The following TP53I13 variants were observed in gnomAD, a reference collection of about 807,000 sequenced individuals.
TP53I13 encodes tumor protein p53 inducible protein 13.
A neutral mutation model predicts 39.1 loss-of-function variants in TP53I13; 27 were observed. That is an observed-to-expected ratio of 0.69 (90% CI 0.51 to 0.95). TP53I13 has a LOEUF of 0.95. Ranked by LOEUF, TP53I13 falls within the 40% of genes least tolerant of loss-of-function variation. TP53I13 has a pLI of 0.00. For synonymous variants in TP53I13, 230 were observed against 224.6 expected, an observed-to-expected ratio of 1.02 and a Z score of -0.22; for missense variants, 544 against 520.4, an observed-to-expected ratio of 1.05 and a Z score of -0.44.
downstream of TP53I13, chr17:29,576,000 C>G (rs1270467999): frequency 6.4e-7 from 1 of 1,563,982 alleles, no homozygotes; most frequent in African/African-American, 1.4e-5. This position sits in a 1 kb window ranked among gnomAD's most constrained non-coding sequence, Gnocchi z 5.5. Context: ...TCTTAAGCCC[C>G]GAATTCAGCA....
chr17:29,579,102 C>T, the TP53I13 span: 5 of 893,826 alleles, frequency 5.6e-6, no homozygotes, highest in Non-Finnish European at 5.6e-6. Flanking sequence ...CACGCACACC[C>T]GGCCCAGAAG....
rs1353943872 is a variant in TP53I13, at chr17:29,569,368, A to C, written c.183+9A>C. ...GAGTGAGCCCAGGGCAGGTGAGTACAAGCAGGGGCCCACCACCCTTGGTGT... is the reference window on the plus strand; with the variant it reads ...GAGTGAGCCCAGGGCAGGTGAGTACCAGCAGGGGCCCACCACCCTTGGTGT... On this transcript the variant is annotated intron_variant, in intron 3 of 6. Transcript: ENST00000301057. 2 of 1,613,384 alleles carry C rather than the reference A, an allele frequency of 1.2e-6. No homozygotes were observed. Among genetic ancestry groups the C allele is most frequent in the Admixed American group, 1.7e-5 (1 of 59,930 alleles).
Position 29,571,885 on chromosome 17 carries a change from C to T in TP53I13, c.341C>T (p.Ala114Val), listed in dbSNP as rs201143496. 90 of 1,613,148 alleles carry T rather than the reference C, an allele frequency of 5.6e-5. No homozygotes were observed. The African/African-American group carries it at 1.0e-3, about 19-fold the overall frequency. Residue 114 changes from alanine to valine, a missense_variant, in exon 5 of 7, where the codon GCG becomes GTG. Coordinates refer to ENST00000301057, the MANE Select transcript of TP53I13 (RefSeq NM_138349.4). Reference protein sequence around the residue: ...RPLVLTAWGLALEMAWVEPAW... With the variant: ...RPLVLTAWGLVLEMAWVEPAW... ...CTGGTGCTGACTGCATGGGGGCTGG[C>T]GCTGGAGATGGCCTGGGTAGAGCCA...
upstream of TP53I13, chr17:29,567,121 C>T (rs1441333000): frequency 2.1e-6 from 1 of 472,024 alleles, no homozygotes; most frequent in Non-Finnish European, 2.9e-6. The surrounding 1 kb of genome is among the most constrained non-coding windows in gnomAD (Gnocchi z 6.6). Context: ...CAGAGGCAGC[C>T]AGTTCGGGCC....
chr17:29,574,753 G>A (rs1372466774), downstream of TP53I13: 1 of 1,613,538 alleles, frequency 6.2e-7, no homozygotes, highest in East Asian at 2.2e-5. Context: ...TGGCAGCCTT[G>A]GCGATGTCAT....
upstream of TP53I13, chr17:29,566,871 G>A (rs779551492): frequency 6.0e-6 from 9 of 1,504,024 alleles, no homozygotes; most frequent in South Asian, 5.0e-5. Context: ...TCTCTCCGAC[G>A]GCGCGCCCCC....
chr17:29,576,900 A>T (rs2033227762), downstream of TP53I13: 1 of 1,578,160 alleles, frequency 6.3e-7, no homozygotes, highest in Non-Finnish European at 8.6e-7. Context: ...GGTGCTGCGC[A>T]GGGGCTCCTG....
In TP53I13 at chr17:29,571,672, A is replaced by G; in HGVS notation, c.265A>G (p.Met89Val). The G allele has an allele frequency of 6.2e-7, 1 of 1,614,052 alleles. No homozygotes were observed. Among genetic ancestry groups the G allele is most frequent in the Non-Finnish European group, 8.5e-7 (1 of 1,180,000 alleles). ...GCTTGCCCTCCTGGCCTATGCTTGT[A>G]TGGCTAACCCTTCCCTCACCCCTGA... ...LQLALLAYAC[M>V]ANPSLTPDFS... is the part of the protein sequence containing the mutation. Residue 89 changes from methionine (M) to valine (V), a missense_variant, in exon 4 of 7, where the codon ATG (methionine) becomes GTG (valine). Met to Val is a conservative substitution (Grantham distance 21, BLOSUM62 1). Coordinates refer to ENST00000301057, the MANE Select transcript of TP53I13 (RefSeq NM_138349.4).
At chr17:29,575,540 G>T, downstream of TP53I13, 3 of 1,555,368 alleles carry the variant, frequency 1.9e-6, no homozygotes, top group Non-Finnish European at 1.8e-6. This position sits in a 1 kb window ranked among gnomAD's most constrained non-coding sequence, Gnocchi z 5.5. Context: ...CCTCGGAGCC[G>T]CCCGCCTTGG....
intron 3 of TP53I13, chr17:29,571,273 T>G: frequency 3.0e-6 from 1 of 332,546 alleles, no homozygotes; most frequent in Non-Finnish European, 5.6e-6. Context: ...ATGGCTTGGA[T>G]TGTGGACCTG....
chr17:29,569,190 C>G lies in TP53I13; in HGVS notation c.141+104C>G, dbSNP rs537298372. 88 of 1,471,822 alleles carry G rather than the reference C, an allele frequency of 6.0e-5. 1 individual carries two copies. In the South Asian group the frequency reaches 9.6e-4, roughly 16 times the overall value. The allele number at this position is 1,471,822 out of a possible 1,614,324, so 91.2% of individuals were successfully genotyped here. On this transcript the variant is annotated intron_variant, in intron 2 of 6. Coordinates refer to ENST00000301057, the MANE Select transcript of TP53I13 (RefSeq NM_138349.4). ...ACAGTCACCATCTGAGGACCTCTGC[C>G]GGTTCCTCAGTCCTCAGTAGCCAAC...
At chr17:29,581,550 C>G in the TP53I13 span, 10 of 705,272 alleles carry the variant, frequency 1.4e-5, no homozygotes. This position sits in a 1 kb window ranked among gnomAD's most constrained non-coding sequence, Gnocchi z 4.8. Context: ...TGCAGGATGC[C>G]CACCCCCACT....
At chr17:29,569,108 G>A in intron 2 of TP53I13, 22 bp downstream of exon 2, 1 of 1,574,500 alleles carries the variant, frequency 6.4e-7, no homozygotes, top group Non-Finnish European at 8.6e-7. Context: ...GGAGGGCCCA[G>A]GGAGAGAGGG....
intron 3 of TP53I13, chr17:29,571,255 G>T: frequency 3.3e-6 from 1 of 303,266 alleles, no homozygotes; most frequent in South Asian, 4.8e-5. Flanking sequence ...TTCATTTGGG[G>T]GTTGCTTATG....
At chr17:29,580,125 TC>T in the TP53I13 span, among the ~76,000 whole-genome samples, 1 of 152,152 alleles carries the variant, frequency 6.6e-6, no homozygotes, top group African/African-American at 2.4e-5. Flanking sequence ...CTAGGCTGCC[TC>T]CCCAGCTAGA....
the TP53I13 span, chr17:29,581,500 G>A: frequency 1.2e-6 from 1 of 844,264 alleles, no homozygotes; most frequent in Non-Finnish European, 2.0e-6. This position sits in a 1 kb window ranked among gnomAD's most constrained non-coding sequence, Gnocchi z 4.8. Context: ...AAGTGGGGAG[G>A]GCAGGCCACC....
downstream of TP53I13, chr17:29,575,951 C>T: frequency 5.2e-6 from 8 of 1,551,234 alleles, no homozygotes; most frequent in South Asian, 9.0e-5. The surrounding 1 kb of genome is among the most constrained non-coding windows in gnomAD (Gnocchi z 5.5). Context: ...TGCCCCCCTG[C>T]TCACCAGCAG....
downstream of TP53I13, chr17:29,576,384 G>A (rs200191554): frequency 4.6e-5 from 74 of 1,613,388 alleles, no homozygotes; most frequent in Admixed American, 4.8e-4. Flanking sequence ...TCACTGGGGA[G>A]TGGAGGTGTG....
chr17:29,572,473 T>C lies in TP53I13; in HGVS notation c.845T>C (p.Val282Ala), dbSNP rs1453458063. ...PNGQGSPGGC[V>A]CSSQASPAPR... ...GGGCAAGGCAGCCCAGGGGGCTGTG[T>C]CTGTTCAAGTCAGGCTTCCCCGGCC... The change falls in exon 6 of 7, where the codon GTC becomes GCC. Residue 282 changes from valine (V) to alanine (A), a missense_variant. By Grantham distance (64) the Val-to-Ala change is moderately conservative. Transcript: ENST00000301057. 5 of 1,592,016 alleles carry C rather than the reference T, an allele frequency of 3.1e-6. No homozygotes were observed. Among genetic ancestry groups the C allele is most frequent in the Non-Finnish European group, 3.4e-6 (4 of 1,168,034 alleles).
Sources: gnomAD v4.1 joint callset for allele counts (sites outside exome capture counted in the v4.1 genomes callset) on GRCh38, gnomAD v4.1.1 for gene constraint, Gnocchi (gnomAD v3.1) non-coding constraint, MANE v1.5 for transcripts, NCBI Gene and HGNC (gene_info 2026-07-23, HGNC 2026-07-21) for gene names.